The following STPG4 variants were observed in gnomAD, a reference collection of about 807,000 sequenced individuals.
The protein encoded by STPG4 is sperm-tail PG-rich repeat containing 4, also known as protein STPG4.
Under a neutral mutation model 31.5 loss-of-function variants are expected in STPG4, and 41 were observed. The observed-to-expected ratio is 1.30, with a 90% confidence interval of 1.01 to 1.69. The LOEUF (loss-of-function observed/expected upper bound fraction) is 1.69. Ranked by LOEUF, STPG4 falls within the 40% of genes most tolerant of loss-of-function variation. STPG4 has a pLI of 0.00. For missense variants in STPG4, 375 were observed against 293.4 expected, an observed-to-expected ratio of 1.28 and a Z score of -2.03; for synonymous variants, 141 against 103.0, an observed-to-expected ratio of 1.37 and a Z score of -2.24.
intron 6 of STPG4, among the ~76,000 whole-genome samples, chr2:47,088,054 G>C (rs1464305002): frequency 6.6e-6 from 1 of 151,944 alleles, no homozygotes. Context: ...CACCCAGCCG[G>C]GGTTTTTTGT....
In STPG4 at chr2:47,151,260, G is replaced by A; in HGVS notation, c.397C>T (p.Gln133Ter). ...GCAATCTGCCAGTAGCGCTTTACCT[G>A]ATCTTTGTCAACTAGTGTGCTGGGG... is the stretch of plus-strand genomic sequence containing the variant. ...PSPSTLVDKD[Q>*]SLQLSPGQYN... Residue 133 changes from glutamine (Q) to a stop codon, truncating the protein, a stop_gained and splice_region_variant, in exon 3 of 7, where the codon CAG becomes TAG. Coordinates refer to ENST00000445927, the MANE Select transcript of STPG4 (RefSeq NM_001163561.2). LOFTEE classifies it high-confidence loss of function. The A allele has an allele frequency of 6.2e-7, 1 of 1,614,134 alleles. No homozygotes were observed. The highest frequency in any genetic ancestry group is 8.5e-7 in the Non-Finnish European group (1 of 1,179,998).
chr2:47,117,771 A>G (rs11675446), intron 5 of STPG4, among the ~76,000 whole-genome samples: 2 of 152,210 alleles, frequency 1.3e-5, no homozygotes, highest in African/African-American at 2.4e-5. Flanking sequence ...TGTCACACAC[A>G]TAAGCATCCA....
chr2:47,119,960 A>T (rs565749942), intron 5 of STPG4, among the ~76,000 whole-genome samples: 8 of 152,330 alleles, frequency 5.3e-5, no homozygotes, highest in Admixed American at 3.3e-4. Flanking sequence ...CATTGCATGA[A>T]CCAAGGGCTT....
intron 5 of STPG4, among the ~76,000 whole-genome samples, chr2:47,127,345 T>A (rs1039732700): frequency 8.5e-5 from 12 of 140,960 alleles, no homozygotes; most frequent in African/African-American, 3.2e-4. Flanking sequence ...CTTGGCTCAC[T>A]GCAAGCTCCG....
At position 47,151,482 on chromosome 2, in the gene STPG4, T is replaced by C. The variant is rs144861209; in HGVS notation, c.175A>G (p.Thr59Ala). ...TPIPGTYHLK[T>A]FIEESLLNPV... ...TTTAATAGGGATTCTTCAATAAAAG[T>C]TTTCAAGTGGTAAGTGCCAGGTATA... Residue 59 changes from threonine (T) to alanine (A), a missense_variant, in exon 3 of 7, where the codon ACT becomes GCT. By Grantham distance (58) the Thr-to-Ala change is moderately conservative. Coordinates refer to ENST00000445927, the MANE Select transcript of STPG4 (RefSeq NM_001163561.2). 9.0e-5 allele frequency: 146 copies of C among 1,613,996 alleles called. No individual in the cohort carries two copies. The African/African-American group carries it at 1.7e-3, about 19-fold the overall frequency.
chr2:47,152,205 G>C (rs57091332), intron 2 of STPG4, among the ~76,000 whole-genome samples: 125,223 of 151,730 alleles, frequency 0.83, 52,342 homozygotes, highest in South Asian at 0.92. Flanking sequence ...AGCCAATGTA[G>C]GATGTTTCTC....
In STPG4 at chr2:47,155,274, C is replaced by A. The variant is rs1419046325; in HGVS notation, c.-23G>T. ...CATGGTGGCCTCCTCTCTCTCTAGG[C>A]TGAACCTGAGCTCCGGTTGCTAGGA... On this transcript the variant is annotated 5_prime_UTR_variant, in exon 1 of 7. Coordinates refer to ENST00000445927, the MANE Select transcript of STPG4 (RefSeq NM_001163561.2). 1.2e-6 allele frequency: 2 copies of A among 1,613,472 alleles called. No homozygotes were observed. Among genetic ancestry groups the A allele is most frequent in the Admixed American group, 3.3e-5 (2 of 60,016 alleles).
chr2:47,138,167 T>C (rs1428170997), intron 3 of STPG4, among the ~76,000 whole-genome samples: 1 of 152,218 alleles, frequency 6.6e-6, no homozygotes, highest in East Asian at 1.9e-4. Context: ...TTTTGTTAAA[T>C]TTTGTTTTCA....
Position 47,140,274 on chromosome 2 carries a change from G to C in STPG4, c.400-10014C>G, listed in dbSNP as rs72877051. Reference sequence around the variant, plus strand: ...AGGTCCTGATTGAATAGTTTCTCCTGAGGGCAGGCCTTGTTAGTAAGAGAG... The same window carrying C: ...AGGTCCTGATTGAATAGTTTCTCCTCAGGGCAGGCCTTGTTAGTAAGAGAG... On this transcript the variant is annotated intron_variant, in intron 3 of 6. Coordinates refer to ENST00000445927, the MANE Select transcript of STPG4 (RefSeq NM_001163561.2). Among the ~76,000 whole-genome samples the C allele has an allele frequency of 2.9e-3, 444 of 152,218 alleles. 2 individuals carry two copies. Among genetic ancestry groups the C allele is most frequent in the African/African-American group, 9.8e-3 (407 of 41,528 alleles).
At chr2:47,091,164 GGGAGGGAGGGGAAGGAA>G (rs1459880224) in intron 5 of STPG4, among the ~76,000 whole-genome samples, 2 of 147,114 alleles carry the variant, frequency 1.4e-5, no homozygotes, top group Non-Finnish European at 3.0e-5. Flanking sequence ...GAGGGAGGGA[GGGAGGGAGGGGAAGGAA>G]GGAGAGAGGG....
At chr2:47,120,286 G>C (rs531812990) in intron 5 of STPG4, among the ~76,000 whole-genome samples, 1 of 151,734 alleles carries the variant, frequency 6.6e-6, no homozygotes, top group Non-Finnish European at 1.5e-5. Flanking sequence ...AGCCGAGATT[G>C]TGCCGCTGCA....
intron 5 of STPG4, among the ~76,000 whole-genome samples, chr2:47,116,943 C>T (rs1328786370): frequency 1.3e-5 from 2 of 152,088 alleles, no homozygotes; most frequent in Non-Finnish European, 2.9e-5. Context: ...CTTCCTGGGC[C>T]CCTCAACTAA....
At chr2:47,088,979 T>A (rs1685515417) in intron 6 of STPG4, among the ~76,000 whole-genome samples, 1 of 152,182 alleles carries the variant, frequency 6.6e-6, no homozygotes. Flanking sequence ...TCAGCCACCT[T>A]GAGAACATCA....
intron 3 of STPG4, among the ~76,000 whole-genome samples, chr2:47,139,501 A>T (rs1324841690): frequency 6.6e-6 from 1 of 151,914 alleles, no homozygotes; most frequent in East Asian, 1.9e-4. Context: ...TTCTTCTAAT[A>T]AGCCTGTTGA....
At chr2:47,100,313 A>C (rs1183684908) in intron 5 of STPG4, among the ~76,000 whole-genome samples, 2 of 150,864 alleles carry the variant, frequency 1.3e-5, no homozygotes, top group African/African-American at 4.9e-5. Context: ...CCCTGTGTCT[A>C]GCTCAGGGTT....
intron 5 of STPG4, among the ~76,000 whole-genome samples, chr2:47,106,403 G>T (rs1408086574): frequency 1.3e-5 from 2 of 151,884 alleles, no homozygotes; most frequent in African/African-American, 2.4e-5. Context: ...CTATTTATAG[G>T]GTTAGGAATG....
chr2:47,134,535 C>T (rs1686558336), intron 3 of STPG4, among the ~76,000 whole-genome samples: 1 of 152,172 alleles, frequency 6.6e-6, no homozygotes, highest in African/African-American at 2.4e-5. Context: ...GGCTTCATAG[C>T]TCATTTCTTT....
At chr2:47,101,135 G>C (rs1012014446) in intron 5 of STPG4, among the ~76,000 whole-genome samples, 1 of 151,742 alleles carries the variant, frequency 6.6e-6, no homozygotes, top group Non-Finnish European at 1.5e-5. Context: ...TTTTTCCTTA[G>C]AATTCAGGGG....
chr2:47,151,531 A>T lies in STPG4; in HGVS notation c.142-16T>A, dbSNP rs540728157. ...TAGGAGTATCCTGTGGAAAATTGAC[A>T]TCAGTTTTAAGATTGTGTAAACATG... On this transcript the variant is annotated splice_polypyrimidine_tract_variant and intron_variant, in intron 2 of 6. Transcript: ENST00000445927. The T allele has an allele frequency of 3.7e-6, 6 of 1,610,780 alleles. No homozygotes were observed. The African/African-American group carries it at 8.0e-5, about 22-fold the overall frequency.
Sources: gnomAD v4.1 joint callset for allele counts (sites outside exome capture counted in the v4.1 genomes callset) on GRCh38, gnomAD v4.1.1 for gene constraint, MANE v1.5 for transcripts, NCBI Gene and HGNC (gene_info 2026-07-23, HGNC 2026-07-21) for gene names.